LAMA1: variants seen among roughly 807,000 people sequenced by gnomAD.
LAMA1 encodes the protein laminin subunit alpha-1.
In LAMA1, 219 loss-of-function variants were observed where a neutral mutation model predicts 348.7. The observed-to-expected ratio is 0.63, with a 90% CI of 0.56 to 0.70. The LOEUF (loss-of-function observed/expected upper bound fraction) is 0.70. Ranked by LOEUF, LAMA1 falls within the 30% of genes least tolerant of loss-of-function variation. LAMA1 has a pLI of 0.00. For synonymous variants in LAMA1, 1,487 were observed against 1,491.0 expected (o/e 1.00, Z 0.06); for missense variants, 3,744 against 3,888.0 (o/e 0.96, Z 0.99).
chr18:7,014,330 T>C (rs1024092315), intron 22 of LAMA1, among the ~76,000 whole-genome samples: 3 of 152,068 alleles, frequency 2.0e-5, no homozygotes, highest in African/African-American at 2.4e-5. Context: ...GAAATTACTG[T>C]AGAAATCAGG....
intron 61 of LAMA1, 89 bp downstream of exon 61, chr18:6,947,074 G>T: frequency 6.6e-7 from 1 of 1,524,050 alleles, no homozygotes; most frequent in Non-Finnish European, 9.1e-7. Flanking sequence ...CATGAAAATA[G>T]ATAGTTGTGA....
intron 44 of LAMA1, among the ~76,000 whole-genome samples, chr18:6,976,588 A>ACATTTATTTATTTATT (rs751868026): frequency 6.7e-6 from 1 of 148,202 alleles, no homozygotes; most frequent in African/African-American, 2.5e-5. Context: ...CCTTGGGCTT[A>ACATTTATTTATTTATT]TATTTATTTA....
chr18:7,114,516 A>G (rs543746871), intron 1 of LAMA1, among the ~76,000 whole-genome samples: 164 of 152,334 alleles, frequency 1.1e-3, no homozygotes, highest in African/African-American at 3.8e-3. Flanking sequence ...AACATAAATA[A>G]ACTTGCTTGT....
intron 3 of LAMA1, among the ~76,000 whole-genome samples, chr18:7,060,014 G>A (rs1246839647): frequency 2.0e-5 from 3 of 152,176 alleles, no homozygotes; most frequent in Admixed American, 1.3e-4. Flanking sequence ...TGATTTAATA[G>A]GAGGCTAATT....
intron 1 of LAMA1, among the ~76,000 whole-genome samples, chr18:7,109,289 C>A (rs1488581570): frequency 6.6e-6 from 1 of 152,150 alleles, no homozygotes; most frequent in Non-Finnish European, 1.5e-5. Flanking sequence ...TACTAATGAC[C>A]CAGGTTTTAA....
At chr18:7,021,308 CAT>C (rs748894373) in intron 19 of LAMA1, among the ~76,000 whole-genome samples, 3 of 152,308 alleles carry the variant, frequency 2.0e-5, no homozygotes, top group South Asian at 2.1e-4. Flanking sequence ...GCTAACCACA[CAT>C]GTCTACCAAA....
intron 51 of LAMA1, among the ~76,000 whole-genome samples, chr18:6,962,548 C>G (rs147631935): frequency 1.3e-5 from 2 of 152,302 alleles, no homozygotes; most frequent in East Asian, 3.9e-4. Flanking sequence ...CAAACAAATA[C>G]TCTCTTACTC....
At chr18:7,015,950 C>G (rs1263431035) in intron 21 of LAMA1, 92 bp from the exon 22 acceptor site, 1 of 1,451,126 alleles carries the variant, frequency 6.9e-7, no homozygotes, top group Non-Finnish European at 9.5e-7. Context: ...ATTAAGAGTC[C>G]AAGCCACTCT....
intron 19 of LAMA1, 82 bp downstream of exon 19, chr18:7,023,082 C>T: frequency 1.4e-6 from 2 of 1,450,376 alleles, no homozygotes; most frequent in African/African-American, 1.4e-5. Context: ...TAGGCGGGGC[C>T]CTGTGTGACA....
chr18:7,025,968 C>T lies in LAMA1; in HGVS notation c.2402+11G>A, dbSNP rs1488572641. On this transcript the variant is annotated intron_variant, in intron 17 of 62. Coordinates refer to ENST00000389658, the MANE Select transcript of LAMA1 (RefSeq NM_005559.4). Reference sequence around the variant, plus strand: ...TGCTGGCAGGAACCGCTGATGAGGTCCGAGGCTTACTTGTTGGAGGCTATG... The same window carrying T: ...TGCTGGCAGGAACCGCTGATGAGGTTCGAGGCTTACTTGTTGGAGGCTATG... The T allele has an allele frequency of 6.9e-6, 11 of 1,603,194 alleles. No homozygotes were observed. The highest frequency in any genetic ancestry group is 9.4e-6 in the Non-Finnish European group (11 of 1,175,170).
chr18:6,946,588 G>A (rs891045374), intron 61 of LAMA1, among the ~76,000 whole-genome samples: 14 of 152,076 alleles, frequency 9.2e-5, no homozygotes, highest in East Asian at 1.9e-4. Context: ...GTGTGGTGGT[G>A]CACGCCTGTA....
intron 29 of LAMA1, 104 bp downstream of exon 29, chr18:7,007,035 C>T: frequency 6.7e-7 from 1 of 1,482,870 alleles, no homozygotes; most frequent in Non-Finnish European, 9.2e-7. Context: ...CTAAATTTAA[C>T]CTCTCACTAA....
At chr18:7,049,035 A>T in intron 5 of LAMA1, 43 bp downstream of exon 5, 1 of 1,564,168 alleles carries the variant, frequency 6.4e-7, no homozygotes, top group Non-Finnish European at 8.8e-7. Context: ...AAATAAAATG[A>T]ATCTTTTTAT....
intron 1 of LAMA1, among the ~76,000 whole-genome samples, chr18:7,085,398 TTTC>T (rs199847806): frequency 0.062 from 8,669 of 140,662 alleles, 1,048 homozygotes; most frequent in African/African-American, 0.2. Context: ...TTACTCTTTT[TTTC>T]TTCTTCTTCT....
intron 40 of LAMA1, 73 bp downstream of exon 40, chr18:6,983,026 T>C: frequency 6.3e-7 from 1 of 1,593,338 alleles, no homozygotes; most frequent in South Asian, 1.1e-5. Context: ...TTGGGGCCAC[T>C]GAATCTCTGC....
intron 41 of LAMA1, 78 bp downstream of exon 41, chr18:6,982,419 G>T: frequency 2.6e-6 from 3 of 1,147,560 alleles, no homozygotes; most frequent in Non-Finnish European, 2.7e-6. Context: ...TGCATGCAAG[G>T]AGAACATTCT....
At chr18:7,075,131 A>G (rs16951196) in intron 3 of LAMA1, among the ~76,000 whole-genome samples, 4,101 of 152,234 alleles carry the variant, frequency 0.027, 163 homozygotes, top group African/African-American at 0.094. Context: ...CAAGTTACAC[A>G]AACACATTTA....
intron 53 of LAMA1, chr18:6,959,920 T>C (rs1421301139): frequency 4.0e-6 from 1 of 252,344 alleles, no homozygotes; most frequent in East Asian, 9.9e-5. Context: ...TTGAAGGATG[T>C]GAAAATGTTT....
chr18:6,944,791 C>T (rs553760688), intron 61 of LAMA1, among the ~76,000 whole-genome samples: 1 of 152,082 alleles, frequency 6.6e-6, no homozygotes, highest in Non-Finnish European at 1.5e-5. Flanking sequence ...TTTGTTCTGG[C>T]ACCCCAAGCA....
Sources: gnomAD v4.1 joint callset for allele counts (sites outside exome capture counted in the v4.1 genomes callset) on GRCh38, gnomAD v4.1.1 for gene constraint, MANE v1.5 for transcripts, NCBI Gene and HGNC (gene_info 2026-07-23, HGNC 2026-07-21) for gene names.